Variants in STRBP observed in about 807,000 individuals in gnomAD.
STRBP encodes the protein spermatid perinuclear RNA-binding protein.
In STRBP, 13 loss-of-function variants were observed where a neutral mutation model predicts 80.1. The observed-to-expected ratio is 0.16, with a 90% CI of 0.11 to 0.26. The LOEUF is 0.26. STRBP is among the 10% of genes least tolerant of loss of function. The probability of loss-of-function intolerance (pLI) is 1.00; values close to 1 mark genes in which losing one functional copy is unlikely to be tolerated. For missense variants in STRBP, 485 were observed against 815.2 expected, an observed-to-expected ratio of 0.59 and a Z score of 4.93; for synonymous variants, 284 against 291.2, an observed-to-expected ratio of 0.98 and a Z score of 0.25.
intron 1 of STRBP, among the ~76,000 whole-genome samples, chr9:123,247,436 T>A (rs1257018120): frequency 6.6e-6 from 1 of 152,098 alleles, no homozygotes; most frequent in East Asian, 1.9e-4. Flanking sequence ...TCTGGCTAAT[T>A]TGTTGCATTT....
At chr9:123,147,742 C>G in intron 12 of STRBP, 36 bp downstream of exon 12, 1 of 1,413,954 alleles carries the variant, frequency 7.1e-7, no homozygotes, top group South Asian at 1.2e-5. Context: ...CAAGTCCTCT[C>G]TAGTTTGCAT....
At chr9:123,264,497 G>C (rs1442868413) in intron 1 of STRBP, among the ~76,000 whole-genome samples, 1 of 152,124 alleles carries the variant, frequency 6.6e-6, no homozygotes. Context: ...AAAACCACAG[G>C]GGAGAAAAAA....
chr9:123,147,190 C>T (rs974089155), intron 12 of STRBP, 136 bp from the exon 13 acceptor site: 11 of 567,754 alleles, frequency 1.9e-5, no homozygotes, highest in African/African-American at 5.6e-5. Context: ...ACAGATTAAC[C>T]TCATAAGTAA....
At chr9:123,179,264 A>G (rs1299928412) in intron 3 of STRBP, 37 bp from the exon 4 acceptor site, 2 of 1,539,678 alleles carry the variant, frequency 1.3e-6, no homozygotes, top group African/African-American at 2.7e-5. Context: ...ACTTCAACAA[A>G]AGAAACATCA....
At chr9:123,116,387 T>G (rs775799182) in intron 2 of STRBP, among the ~76,000 whole-genome samples, 5 of 152,324 alleles carry the variant, frequency 3.3e-5, no homozygotes, top group Non-Finnish European at 4.4e-5. Flanking sequence ...TTGCACTTTA[T>G]TATAGGGTTC....
intron 1 of STRBP, among the ~76,000 whole-genome samples, chr9:123,238,369 G>A (rs2132598832): frequency 6.6e-6 from 1 of 152,344 alleles, no homozygotes; most frequent in East Asian, 1.9e-4. Flanking sequence ...TGCTAACAAA[G>A]ATTCTCTACA....
chr9:123,177,420 T>A (rs575271414), intron 4 of STRBP, among the ~76,000 whole-genome samples: 3 of 151,946 alleles, frequency 2.0e-5, no homozygotes, highest in Non-Finnish European at 4.4e-5. Flanking sequence ...TCTTTTTTTT[T>A]AAATTAGCCA....
chr9:123,145,538 G>A (rs975954428), intron 13 of STRBP, among the ~76,000 whole-genome samples: 9 of 152,090 alleles, frequency 5.9e-5, no homozygotes, highest in African/African-American at 1.9e-4. Flanking sequence ...GATATCCTTG[G>A]TTTGTGAAGA....
intron 1 of STRBP, among the ~76,000 whole-genome samples, chr9:123,268,078 C>A (rs1241796811): frequency 6.6e-6 from 1 of 151,336 alleles, no homozygotes; most frequent in Non-Finnish European, 1.5e-5. Context: ...CTGCCCCGAG[C>A]CCCGAGCCCT....
intron 2 of STRBP, among the ~76,000 whole-genome samples, chr9:123,197,469 T>C (rs1456920190): frequency 6.6e-6 from 1 of 152,082 alleles, no homozygotes; most frequent in Non-Finnish European, 1.5e-5. Flanking sequence ...CTATACCTAA[T>C]GTGTAGTTTT....
chr9:123,237,244 C>T (rs767047006), intron 1 of STRBP, among the ~76,000 whole-genome samples: 4 of 152,136 alleles, frequency 2.6e-5, no homozygotes, highest in Non-Finnish European at 2.9e-5. Context: ...GTTACAGCTG[C>T]GGCAGAAAAT....
intron 1 of STRBP, among the ~76,000 whole-genome samples, chr9:123,239,035 T>C (rs1389719892): frequency 1.3e-5 from 2 of 152,172 alleles, no homozygotes; most frequent in Non-Finnish European, 1.5e-5. Flanking sequence ...CATTTATGCT[T>C]TCCTGCCCCT....
At chr9:123,245,429 G>C (rs1046383539) in intron 1 of STRBP, among the ~76,000 whole-genome samples, 1 of 152,056 alleles carries the variant, frequency 6.6e-6, no homozygotes, top group Non-Finnish European at 1.5e-5. Flanking sequence ...TCGCTCAGTC[G>C]CCCAGGCTGG....
chr9:123,161,045 G>A lies in STRBP; in HGVS notation c.559C>T (p.Pro187Ser), dbSNP rs964063428. 1.0e-5 allele frequency: 16 copies of A among 1,600,910 alleles called. No individual in the cohort carries two copies. In the Admixed American group the frequency reaches 2.6e-4, roughly 26 times the overall value. The part of the protein sequence containing the change: ...DGENVSMKDP[P>S]DLLDRQKCLN... ...CATTTCTGCCTGTCCAATAAGTCCG[G>A]AGGATCTTTCATCGAAACATTTTCT... The change falls in exon 7 of 19, where the codon CCG becomes TCG. Residue 187 changes from proline (P) to serine (S), a missense_variant. Physicochemically the swap from Pro to Ser is moderately conservative, Grantham distance 74. This residue lies in a region of STRBP where 377 missense variants were observed against 616.1 expected (regional missense o/e 0.61). Transcript: ENST00000348403.
intron 1 of STRBP, among the ~76,000 whole-genome samples, chr9:123,252,860 T>C (rs936306518): frequency 1.3e-5 from 2 of 152,188 alleles, no homozygotes; most frequent in Non-Finnish European, 2.9e-5. Context: ...TGAAGGGAAG[T>C]AACATGATTC....
intron 3 of STRBP, chr9:123,112,166 G>GC (rs1185852328): frequency 1.2e-5 from 2 of 166,320 alleles, no homozygotes; most frequent in African/African-American, 2.4e-5. Context: ...ACAAGGCTGG[G>GC]CCCCGTGAAA....
intron 1 of STRBP, among the ~76,000 whole-genome samples, chr9:123,240,436 C>T (rs911220583): frequency 1.3e-5 from 2 of 152,198 alleles, no homozygotes; most frequent in Non-Finnish European, 2.9e-5. Flanking sequence ...ACGTATTTTA[C>T]TAGCATTTCA....
intron 11 of STRBP, among the ~76,000 whole-genome samples, chr9:123,154,731 G>A (rs536784972): frequency 2.5e-4 from 38 of 152,294 alleles, no homozygotes; most frequent in African/African-American, 9.1e-4. Flanking sequence ...CGTGAAGGTC[G>A]CAAGGGATAC....
In STRBP at chr9:123,125,526, A is replaced by G; in HGVS notation, c.*71T>C. The G allele has an allele frequency of 1.4e-6, 2 of 1,426,958 alleles. No individual in the cohort carries two copies. Among genetic ancestry groups the G allele is most frequent in the Non-Finnish European group, 9.2e-7 (1 of 1,083,026 alleles). The allele number at this position is 1,426,958 out of a possible 1,614,324, so 88.4% of individuals were successfully genotyped here. A position where few individuals can be genotyped will look rare whatever the true frequency, so the allele number is the denominator to read the frequency against. On this transcript the variant is annotated 3_prime_UTR_variant, in exon 19 of 19. Transcript: ENST00000348403. ...GTATGTGTTCAAAGAAAGCAGGATAAAAAGGCTTTTTCTCTAACATTCTGT... is the reference window on the plus strand; with the variant it reads ...GTATGTGTTCAAAGAAAGCAGGATAGAAAGGCTTTTTCTCTAACATTCTGT...
Sources: gnomAD v4.1 joint callset for allele counts (sites outside exome capture counted in the v4.1 genomes callset) on GRCh38, gnomAD v4.1.1 for gene constraint, gnomAD v4.1.1 regional missense constraint, MANE v1.5 for transcripts, NCBI Gene and HGNC (gene_info 2026-07-23, HGNC 2026-07-21) for gene names.